The following NBAS variants were observed in gnomAD, a reference collection of about 807,000 sequenced individuals.
The protein encoded by NBAS is NBAS subunit of NRZ tethering complex.
A neutral mutation model predicts 302.5 loss-of-function variants in NBAS; 219 were observed. The ratio of observed to expected loss-of-function variants is 0.72; its 90% CI spans 0.65 to 0.81. The LOEUF is 0.81. Among genes scored for constraint, NBAS ranks in the 30% least tolerant of loss-of-function variants. NBAS has a pLI of 0.00. For synonymous variants in NBAS, 1,118 were observed against 1,021.6 expected, an observed-to-expected ratio of 1.09 and a Z score of -1.80; for missense variants, 2,932 against 2,841.6, an observed-to-expected ratio of 1.03 and a Z score of -0.72.
intron 17 of NBAS, 31 bp downstream of exon 17, chr2:15,468,351 T>C (rs772531828): frequency 1.2e-6 from 2 of 1,612,974 alleles, no homozygotes; most frequent in African/African-American, 2.7e-5. Flanking sequence ...AAGTCACCTT[T>C]ACTTTGAATC....
chr2:15,271,246 T>C (rs1244146378), intron 44 of NBAS, among the ~76,000 whole-genome samples: 2 of 152,094 alleles, frequency 1.3e-5, no homozygotes, highest in Non-Finnish European at 2.9e-5. Flanking sequence ...AACCAAACAG[T>C]GGAGATCAAA....
the NBAS span, among the ~76,000 whole-genome samples, chr2:15,130,586 T>G: frequency 6.6e-6 from 1 of 152,240 alleles, no homozygotes; most frequent in East Asian, 1.9e-4. Context: ...ATATGAGCGT[T>G]AGAAAGGAGA....
At chr2:14,987,037 T>C in the NBAS span, among the ~76,000 whole-genome samples, 1,069 of 152,202 alleles carry the variant, frequency 7.0e-3, 13 homozygotes, top group South Asian at 0.02. Flanking sequence ...TAGATAAATA[T>C]AGATCTAAAA....
the NBAS span, among the ~76,000 whole-genome samples, chr2:15,093,766 A>G: frequency 2.0e-5 from 3 of 152,254 alleles, no homozygotes; most frequent in Non-Finnish European, 2.9e-5. Flanking sequence ...AACAATAATT[A>G]AAGACATAGA....
the NBAS span, among the ~76,000 whole-genome samples, chr2:14,874,849 A>G: frequency 6.6e-6 from 1 of 151,328 alleles, no homozygotes. Flanking sequence ...TTACTTTTGC[A>G]GTCATAAATA....
chr2:14,831,243 C>T, the NBAS span, among the ~76,000 whole-genome samples: 34 of 151,764 alleles, frequency 2.2e-4, no homozygotes, highest in Admixed American at 2.2e-3. Context: ...CATTTCAGAA[C>T]TCTCATCTTA....
chr2:14,986,854 C>T, the NBAS span, among the ~76,000 whole-genome samples: 1 of 152,084 alleles, frequency 6.6e-6, no homozygotes, highest in East Asian at 1.9e-4. Context: ...GAAATGCCAT[C>T]ATTTGATCAA....
intron 4 of NBAS, among the ~76,000 whole-genome samples, chr2:15,553,760 C>G (rs1282529916): frequency 2.8e-5 from 4 of 144,734 alleles, no homozygotes; most frequent in Non-Finnish European, 6.1e-5. Flanking sequence ...CTCTCCTTCT[C>G]TTTACCTCCC....
At chr2:15,371,007 C>G (rs554988380) in intron 31 of NBAS, among the ~76,000 whole-genome samples, 4 of 152,158 alleles carry the variant, frequency 2.6e-5, no homozygotes, top group African/African-American at 9.6e-5. Flanking sequence ...CTCTGTGTCC[C>G]CACTCAAATT....
At chr2:15,366,251 TG>T (rs1476253964) in intron 32 of NBAS, among the ~76,000 whole-genome samples, 1 of 152,228 alleles carries the variant, frequency 6.6e-6, no homozygotes, top group African/African-American at 2.4e-5. Flanking sequence ...CTTCTGCTCC[TG>T]ACTACACAAC....
chr2:15,501,754 G>A (rs1661578227), intron 11 of NBAS, among the ~76,000 whole-genome samples: 1 of 151,250 alleles, frequency 6.6e-6, no homozygotes, highest in South Asian at 2.1e-4. Context: ...AAAGATATTA[G>A]TAGTTAAGAG....
chr2:15,283,578 C>G (rs1669915389), intron 42 of NBAS, among the ~76,000 whole-genome samples: 1 of 152,196 alleles, frequency 6.6e-6, no homozygotes, highest in South Asian at 2.1e-4. Flanking sequence ...TTCCTGAGGC[C>G]TTCCCAGCCA....
intron 21 of NBAS, among the ~76,000 whole-genome samples, chr2:15,434,436 A>G (rs1395072859): frequency 6.6e-6 from 1 of 152,200 alleles, no homozygotes; most frequent in Non-Finnish European, 1.5e-5. Flanking sequence ...TTACAAAGAA[A>G]GTCACCAGGA....
the NBAS span, among the ~76,000 whole-genome samples, chr2:14,833,208 A>C: frequency 6.6e-6 from 1 of 152,194 alleles, no homozygotes; most frequent in South Asian, 2.1e-4. Context: ...AAAGTAAATA[A>C]GCAGAAAGTT....
rs115871884 is a variant in NBAS, at chr2:15,468,767, C to T, written c.1726-234G>A. Among the ~76,000 whole-genome samples the T allele has an allele frequency of 4.7e-3, 721 of 152,248 alleles. 8 individuals are homozygous for T. The highest frequency in any genetic ancestry group is 0.016 in the African/African-American group (670 of 41,544). ...CTTGCTTTCTTCCTCTAATGAGCTA[C>T]GCAGAAACAGAAAGCTCAGGACTCA... On this transcript the variant is annotated intron_variant, in intron 16 of 51. Coordinates refer to ENST00000281513, the MANE Select transcript of NBAS (RefSeq NM_015909.4).
chr2:14,882,636 C>A, the NBAS span, among the ~76,000 whole-genome samples: 4 of 152,168 alleles, frequency 2.6e-5, no homozygotes, highest in African/African-American at 9.7e-5. Flanking sequence ...ATGGGTTCTG[C>A]ATAAGAGAGA....
chr2:15,181,063 C>T (rs1664797006), intron 50 of NBAS, among the ~76,000 whole-genome samples: 1 of 152,208 alleles, frequency 6.6e-6, no homozygotes, highest in Non-Finnish European at 1.5e-5. Context: ...GGTCTACCTG[C>T]CTTGCTTTTG....
intron 44 of NBAS, among the ~76,000 whole-genome samples, chr2:15,274,655 A>C (rs1250851062): frequency 2.0e-5 from 3 of 152,228 alleles, no homozygotes; most frequent in African/African-American, 7.2e-5. Context: ...GAGTGCAGTC[A>C]AAGGAGGCCA....
At chr2:15,378,437 A>G (rs968210730) in intron 30 of NBAS, among the ~76,000 whole-genome samples, 7 of 152,194 alleles carry the variant, frequency 4.6e-5, no homozygotes, top group African/African-American at 1.4e-4. Context: ...GGGACAGAGG[A>G]CATAATACAA....
Sources: gnomAD v4.1 joint callset for allele counts (sites outside exome capture counted in the v4.1 genomes callset) on GRCh38, gnomAD v4.1.1 for gene constraint, MANE v1.5 for transcripts, NCBI Gene and HGNC (gene_info 2026-07-23, HGNC 2026-07-21) for gene names.